Variants in NR6A1 observed in about 807,000 individuals in gnomAD.
NR6A1 encodes nuclear receptor subfamily 6 group A member 1.
Under a neutral mutation model 59.1 loss-of-function variants are expected in NR6A1, and 7 were observed. The ratio of observed to expected loss-of-function variants is 0.12; its 90% CI spans 0.07 to 0.22. The LOEUF (loss-of-function observed/expected upper bound fraction) is 0.22. Among genes scored for constraint, NR6A1 ranks in the 10% least tolerant of loss-of-function variants. NR6A1 has a pLI of 1.00. For missense variants in NR6A1, 468 were observed against 611.6 expected (o/e 0.77, Z 2.48); for synonymous variants, 243 against 236.1 (o/e 1.03, Z -0.27).
chr9:124,768,854 G>A (rs1841018438), intron 1 of NR6A1, among the ~76,000 whole-genome samples: 1 of 152,152 alleles, frequency 6.6e-6, no homozygotes, highest in Admixed American at 6.5e-5. Context: ...ATATTGAATT[G>A]CAGTAAAATC....
rs1554739432 is a variant in NR6A1, at chr9:124,647,738, A to AAAG, written c.142+85569_142+85570insCTT. ...TGAGACCGTCTCAAAAAAAAAAAAA[A>AAAG]AAAGAAAGAAAGAAAGAAAAGAAAA... On this transcript the variant is annotated intron_variant, in intron 2 of 9. Coordinates refer to ENST00000487099, the MANE Select transcript of NR6A1 (RefSeq NM_033334.4). Among the ~76,000 whole-genome samples, 3 of 117,628 alleles carry AAAG rather than the reference A, an allele frequency of 2.6e-5. No homozygotes were observed. The East Asian group carries it at 7.2e-4, about 28-fold the overall frequency. The allele number at this position is 117,628 out of a possible 152,430, so 77.2% of individuals were successfully genotyped here.
In NR6A1 at chr9:124,538,094, A is replaced by C; in HGVS notation, c.822T>G (p.Asp274Glu). 1 of 1,605,040 alleles carries C rather than the reference A, an allele frequency of 6.2e-7. No homozygotes were observed. The highest frequency in any genetic ancestry group is 8.5e-7 in the Non-Finnish European group (1 of 1,175,040). ...EPLGTPMLIE[D>E]GYAVTQAELF... ...CAAGAAGGGCGGAGCTCACTCACCCATCTTCAATCAACATGGGCGTGCCCA... is the reference window on the plus strand; with the variant it reads ...CAAGAAGGGCGGAGCTCACTCACCCCTCTTCAATCAACATGGGCGTGCCCA... Residue 274 changes from aspartate (D) to glutamate (E), a missense_variant and splice_region_variant, in exon 6 of 10, where the codon GAT becomes GAG. By Grantham distance (45) the Asp-to-Glu change is conservative. Around this residue, in one of 4 missense-constraint regions of NR6A1, gnomAD observed 176 missense variants for 264.0 expected, o/e 0.67. Transcript: ENST00000487099.
intron 2 of NR6A1, among the ~76,000 whole-genome samples, chr9:124,560,582 C>T (rs189758684): frequency 1.8e-3 from 272 of 152,156 alleles, no homozygotes; most frequent in Non-Finnish European, 1.6e-3. Context: ...TTTTTTGAGA[C>T]GGAGTTTCGC....
intron 2 of NR6A1, among the ~76,000 whole-genome samples, chr9:124,670,965 T>TA (rs1294241777): frequency 1.3e-5 from 2 of 152,218 alleles, no homozygotes; most frequent in Non-Finnish European, 2.9e-5. Context: ...GGCTGTCACA[T>TA]ACTACAACAT....
Position 124,711,062 on chromosome 9 carries a change from G to A in NR6A1, c.142+22246C>T, listed in dbSNP as rs140112543. Reference sequence around the variant, plus strand: ...ATGAACCATACCCAATTGTTAAAGCGCATCTATCATCCTTACTCCAAGCCT... The same window carrying A: ...ATGAACCATACCCAATTGTTAAAGCACATCTATCATCCTTACTCCAAGCCT... On this transcript the variant is annotated intron_variant, in intron 2 of 9. Coordinates refer to ENST00000487099, the MANE Select transcript of NR6A1 (RefSeq NM_033334.4). 2.0e-3 allele frequency among the ~76,000 whole-genome samples: 311 copies of A among 151,794 alleles called. 2 individuals carry two copies. The highest frequency in any genetic ancestry group is 7.2e-3 in the African/African-American group (298 of 41,364).
chr9:124,545,839 A>G (rs1226929074), intron 3 of NR6A1, among the ~76,000 whole-genome samples: 2 of 152,222 alleles, frequency 1.3e-5, no homozygotes, highest in African/African-American at 4.8e-5. Flanking sequence ...TCATCGGCCA[A>G]GCACAGTGGC....
chr9:124,641,824 A>G (rs1336527546), intron 2 of NR6A1, among the ~76,000 whole-genome samples: 1 of 152,230 alleles, frequency 6.6e-6, no homozygotes, highest in African/African-American at 2.4e-5. Flanking sequence ...GATTGTTAAC[A>G]TATTATGCAG....
chr9:124,628,392 G>A (rs1836314540), intron 2 of NR6A1, among the ~76,000 whole-genome samples: 1 of 151,362 alleles, frequency 6.6e-6, no homozygotes, highest in South Asian at 2.1e-4. Flanking sequence ...TCACCAGGCT[G>A]CAGTGCAGTG....
chr9:124,754,938 C>T (rs1007938507), intron 1 of NR6A1, among the ~76,000 whole-genome samples: 1 of 152,076 alleles, frequency 6.6e-6, no homozygotes, highest in East Asian at 1.9e-4. Context: ...AGTATCTCCA[C>T]CCCCCTTCCA....
At chr9:124,593,070 G>A (rs1835173385) in intron 2 of NR6A1, among the ~76,000 whole-genome samples, 1 of 152,164 alleles carries the variant, frequency 6.6e-6, no homozygotes. Context: ...CAATTTCATT[G>A]GCGGAACTGC....
rs1835505394 is a variant in NR6A1 at position 124,603,610 on chromosome 9, T to C, written c.143-49040A>G. 4.6e-5 allele frequency among the ~76,000 whole-genome samples: 7 copies of C among 152,282 alleles called. 1 individual carries two copies. In the South Asian group the frequency reaches 1.5e-3, roughly 32 times the overall value. On this transcript the variant is annotated intron_variant, in intron 2 of 9. Transcript: ENST00000487099. ...CACCTGTTGCTGACGATCTTTTGATTAACATATATAACATATGTATCCGTC... is the reference window on the plus strand; with the variant it reads ...CACCTGTTGCTGACGATCTTTTGATCAACATATATAACATATGTATCCGTC...
intron 2 of NR6A1, among the ~76,000 whole-genome samples, chr9:124,658,162 A>ATTAC (rs1837318168): frequency 6.6e-6 from 1 of 152,198 alleles, no homozygotes; most frequent in South Asian, 2.1e-4. Flanking sequence ...AGGTGTAAGC[A>ATTAC]ACCTCTGGGT....
At chr9:124,631,723 C>T (rs1836448193) in intron 2 of NR6A1, among the ~76,000 whole-genome samples, 1 of 152,082 alleles carries the variant, frequency 6.6e-6, no homozygotes, top group South Asian at 2.1e-4. Context: ...CACAGGTAAA[C>T]ATGTCTCATG....
chr9:124,613,479 TA>T (rs1390575221), intron 2 of NR6A1, among the ~76,000 whole-genome samples: 105 of 151,874 alleles, frequency 6.9e-4, no homozygotes, highest in Non-Finnish European at 2.2e-4. Flanking sequence ...AGACCGTCTC[TA>T]AAAAAATAAA....
rs556056302 is a variant in NR6A1, at chr9:124,677,671, A to C, written c.142+55637T>G. On this transcript the variant is annotated intron_variant, in intron 2 of 9. Transcript: ENST00000487099. ...TATGTTAACTACTATCCAGATCAAA[A>C]TATGAGCACACATTTATTGCAGCCC... is the stretch of plus-strand genomic sequence containing the variant. Among the ~76,000 whole-genome samples the C allele has an allele frequency of 5.9e-4, 90 of 152,288 alleles. 1 individual carries two copies. In the South Asian group the frequency reaches 0.018, roughly 31 times the overall value.
chr9:124,715,840 T>C (rs1839404837), intron 2 of NR6A1, among the ~76,000 whole-genome samples: 1 of 152,160 alleles, frequency 6.6e-6, no homozygotes, highest in Admixed American at 6.5e-5. Flanking sequence ...ATGGTATTGG[T>C]AAAAAGATTA....
At chr9:124,755,584 T>A (rs1418319613) in intron 1 of NR6A1, among the ~76,000 whole-genome samples, 4 of 152,332 alleles carry the variant, frequency 2.6e-5, no homozygotes, top group African/African-American at 9.6e-5. Flanking sequence ...ACATAAAACC[T>A]AACTTTTCTT....
intron 2 of NR6A1, chr9:124,599,282 A>T (rs1033891984): frequency 1.3e-5 from 5 of 399,276 alleles, no homozygotes; most frequent in Admixed American, 3.7e-5. Context: ...ATCTCTACTA[A>T]AAATACAAAA....
chr9:124,680,945 AGTCACTGTATTT>A (rs1838134012), intron 2 of NR6A1, among the ~76,000 whole-genome samples: 1 of 152,248 alleles, frequency 6.6e-6, no homozygotes, highest in East Asian at 1.9e-4. Context: ...ATGTACCAGT[AGTCACTGTATTT>A]GTCACTGTCA....
Sources: allele counts gnomAD v4.1 joint callset (sites outside exome capture counted in the v4.1 genomes callset), GRCh38; gene constraint gnomAD v4.1.1; regional missense constraint gnomAD v4.1.1; transcripts MANE v1.5; gene names NCBI Gene and HGNC (gene_info 2026-07-23, HGNC 2026-07-21).